The following ART3 variants were observed in gnomAD, a reference collection of about 807,000 sequenced individuals.
The protein encoded by ART3 is ecto-ADP-ribosyltransferase 3.
ART3 carries 49 observed loss-of-function variants against 48.5 expected under a neutral mutation model. That is an observed-to-expected ratio of 1.01 (90% CI 0.80 to 1.28). ART3 has a LOEUF of 1.28. Among genes scored for constraint, ART3 ranks in the 50% most tolerant of loss-of-function variants. The pLI is 0.00. For missense variants in ART3, 438 were observed against 454.3 expected, an observed-to-expected ratio of 0.96 and a Z score of 0.33; for synonymous variants, 145 against 157.2, an observed-to-expected ratio of 0.92 and a Z score of 0.58.
intron 3 of ART3, among the ~76,000 whole-genome samples, chr4:76,096,141 T>A (rs916965514): frequency 1.3e-5 from 2 of 152,172 alleles, no homozygotes; most frequent in African/African-American, 2.4e-5. Flanking sequence ...CAGGCTGGTG[T>A]CTAACTCCTG....
At chr4:76,071,939 CAG>C (rs1720357565), upstream of ART3, among the ~76,000 whole-genome samples, 1 of 152,078 alleles carries the variant, frequency 6.6e-6, no homozygotes, top group South Asian at 2.1e-4. Context: ...GTTTTTGAGA[CAG>C]GGTCTTACTC....
chr4:76,041,707 A>G (rs1020390420), intron 1 of ART3, among the ~76,000 whole-genome samples: 2 of 152,218 alleles, frequency 1.3e-5, no homozygotes, highest in African/African-American at 4.8e-5. Flanking sequence ...TGAACTAGCT[A>G]CATTTCAAAT....
At chr4:76,022,909 C>A in intron 1 of ART3, 3 of 1,296,466 alleles carry the variant, frequency 2.3e-6, no homozygotes, top group Non-Finnish European at 3.2e-6. Flanking sequence ...AACCTATATC[C>A]CCATATCAGC....
chr4:76,103,492 T>G (rs1422512168), intron 8 of ART3, among the ~76,000 whole-genome samples: 1 of 152,196 alleles, frequency 6.6e-6, no homozygotes, highest in East Asian at 1.9e-4. Context: ...TATGCAGTCT[T>G]TCCTTCAATC....
chr4:76,077,043 A>G (rs1412221292), intron 2 of ART3, among the ~76,000 whole-genome samples: 1 of 152,150 alleles, frequency 6.6e-6, no homozygotes, highest in Non-Finnish European at 1.5e-5. Context: ...TTTACATACC[A>G]TAAAAATTCA....
At chr4:76,080,571 T>C (rs745504300) in intron 2 of ART3, among the ~76,000 whole-genome samples, 9 of 152,146 alleles carry the variant, frequency 5.9e-5, no homozygotes, top group Non-Finnish European at 1.3e-4. Flanking sequence ...AGTGCTGTGG[T>C]GCAGTCTCCG....
intron 3 of ART3, among the ~76,000 whole-genome samples, chr4:76,096,000 G>A (rs1228251533): frequency 6.6e-6 from 1 of 151,832 alleles, no homozygotes; most frequent in East Asian, 1.9e-4. Flanking sequence ...TTGGCTCACT[G>A]CAAACTCTGC....
intron 1 of ART3, among the ~76,000 whole-genome samples, chr4:76,020,925 T>C (rs922121329): frequency 1.3e-5 from 2 of 152,194 alleles, no homozygotes; most frequent in Non-Finnish European, 2.9e-5. Context: ...AGCTCTGTTA[T>C]GCTACATTAG....
At chr4:76,044,264 G>A (rs1468209632) in intron 1 of ART3, among the ~76,000 whole-genome samples, 1 of 151,932 alleles carries the variant, frequency 6.6e-6, no homozygotes, top group African/African-American at 2.4e-5. Context: ...TCCTGTAAAC[G>A]CCGGGCGGCA....
chr4:76,014,082 C>T (rs183707347), intron 1 of ART3, among the ~76,000 whole-genome samples: 1 of 152,016 alleles, frequency 6.6e-6, no homozygotes, highest in Admixed American at 6.6e-5. Flanking sequence ...GAAAACACAA[C>T]TTAGGGGCTG....
chr4:76,110,179 C>A (rs1468406214), intron 11 of ART3, among the ~76,000 whole-genome samples: 1 of 152,076 alleles, frequency 6.6e-6, no homozygotes, highest in African/African-American at 2.4e-5. Context: ...CCCTCTGTAT[C>A]CTCTGGGATT....
At chr4:76,021,245 G>C (rs2149370350) in intron 1 of ART3, 1 of 152,270 alleles carries the variant, frequency 6.6e-6, no homozygotes, top group South Asian at 2.1e-4. Context: ...GTAACATGCA[G>C]AGCATATATC....
intron 8 of ART3, 107 bp downstream of exon 8, chr4:76,101,126 A>T: frequency 7.6e-7 from 1 of 1,316,998 alleles, no homozygotes; most frequent in Non-Finnish European, 1.1e-6. Flanking sequence ...AGGAAGGCAG[A>T]GCTCACCTTA....
At position 76,089,807 on chromosome 4, in the gene ART3, C is replaced by G. The variant is rs541242733; in HGVS notation, c.781+7272C>G. Among the ~76,000 whole-genome samples, 42 of 152,156 alleles carry G rather than the reference C, an allele frequency of 2.8e-4. No individual in the cohort carries two copies. The East Asian group carries it at 8.1e-3, about 29-fold the overall frequency. ...TTTAAAATATTCTTTGGAGGCTGGG[C>G]GCGGTGGCTCACGTCTGTAATCCCA... On this transcript the variant is annotated intron_variant, in intron 3 of 11. Transcript: ENST00000355810.
rs747774701 is a variant in ART3 at position 76,112,516 on chromosome 4, G to A, written c.1167G>A (p.Leu389=). ...SVSAINLFVA[L] ...CTGCTATAAATCTCTTTGTTGCTCT[G>A]TAGTTTGATGCATTGTTTATCTTTC... The change falls in exon 12 of 12, where the codon CTG becomes CTA. Residue 389 remains leucine (L), a synonymous_variant. Coordinates refer to ENST00000355810, the MANE Select transcript of ART3 (RefSeq NM_001130016.3). 6.2e-7 allele frequency: 1 copy of A among 1,611,202 alleles called. No individual in the cohort carries two copies. Among genetic ancestry groups the A allele is most frequent in the East Asian group, 2.2e-5 (1 of 44,772 alleles).
intron 3 of ART3, among the ~76,000 whole-genome samples, chr4:76,085,120 G>A (rs1212911273): frequency 6.6e-6 from 1 of 152,172 alleles, no homozygotes; most frequent in African/African-American, 2.4e-5. Flanking sequence ...TAGACAGTAT[G>A]CTTTATTCAC....
chr4:76,051,135 A>T (rs200341378), intron 1 of ART3, among the ~76,000 whole-genome samples: 1 of 134,092 alleles, frequency 7.5e-6, no homozygotes, highest in South Asian at 2.4e-4. Flanking sequence ...GGGCTCCTCA[A>T]GTGCCGCCAA....
At chr4:76,100,203 T>A in intron 5 of ART3, 88 bp from the exon 6 acceptor site, 1 of 1,341,794 alleles carries the variant, frequency 7.5e-7, no homozygotes, top group Non-Finnish European at 1.1e-6. Context: ...TAGTCATATT[T>A]CCTGAAAATA....
intron 10 of ART3, chr4:76,105,576 G>T (rs938517572): frequency 7.8e-7 from 1 of 1,287,016 alleles, no homozygotes. Context: ...TTTATTGGGG[G>T]TGGAGGCACC....
Sources: gnomAD v4.1 joint callset for allele counts (sites outside exome capture counted in the v4.1 genomes callset) on GRCh38, gnomAD v4.1.1 for gene constraint, MANE v1.5 for transcripts, NCBI Gene and HGNC (gene_info 2026-07-23, HGNC 2026-07-21) for gene names.